PTGFR: variants seen among roughly 807,000 people sequenced by gnomAD.
PTGFR encodes the protein prostaglandin F2-alpha receptor.
PTGFR carries 15 observed loss-of-function variants against 26.2 expected under a neutral mutation model. The ratio of observed to expected loss-of-function variants is 0.57; its 90% CI spans 0.38 to 0.88. The LOEUF is 0.88. Among genes scored for constraint, PTGFR ranks in the 40% least tolerant of loss-of-function variants. The pLI is 0.00. For missense variants in PTGFR, 369 were observed against 427.2 expected, an observed-to-expected ratio of 0.86 and a Z score of 1.20; for synonymous variants, 165 against 151.1, an observed-to-expected ratio of 1.09 and a Z score of -0.68.
At chr1:78,524,074 G>A (rs1402682259) in intron 2 of PTGFR, among the ~76,000 whole-genome samples, 1 of 152,064 alleles carries the variant, frequency 6.6e-6, no homozygotes, top group Non-Finnish European at 1.5e-5. Flanking sequence ...TCTTAATGGT[G>A]CCTTTTGGGC....
In PTGFR at chr1:78,536,613, A is replaced by T. The variant is rs1002911465; in HGVS notation, c.1006A>T (p.Ser336Cys). 6.8e-6 allele frequency: 11 copies of T among 1,613,246 alleles called. No homozygotes were observed. The African/African-American group carries it at 1.3e-4, about 20-fold the overall frequency. ...HVISLHIWELSSIKNSLKVAA... is the reference protein window; with the variant it reads ...HVISLHIWELCSIKNSLKVAA... ...CATCAGCTTACATATTTGGGAGCTT[A>T]GTTCCATTAAAAATTCCTTAAAGGT... The change falls in exon 3 of 3, where the codon AGT (serine) becomes TGT (cysteine). Residue 336 changes from serine to cysteine, a missense_variant. Ser to Cys is a moderately radical substitution (Grantham distance 112). Transcript: ENST00000370757.
chr1:78,493,315 A>T lies in PTGFR; in HGVS notation c.572A>T (p.Glu191Val), dbSNP rs751711019. ...ASRTWCFYNT[E>V]DIKDWEDRFY... ...AGGACCTGGTGTTTCTACAACACAG[A>T]AGACATCAAAGACTGGGAAGATAGA... is the stretch of plus-strand genomic sequence containing the variant. The change falls in exon 2 of 3, where the codon GAA becomes GTA. Residue 191 changes from glutamate (E) to valine (V), a missense_variant. By Grantham distance (121) the Glu-to-Val change is moderately radical. Transcript: ENST00000370757. The T allele has an allele frequency of 1.9e-6, 3 of 1,614,218 alleles. No individual in the cohort carries two copies. Among genetic ancestry groups the T allele is most frequent in the Non-Finnish European group, 1.7e-6 (2 of 1,180,042 alleles).
rs2100412860 is a variant in PTGFR at position 78,540,527 on chromosome 1, A to G, written c.*3840A>G. Among the ~76,000 whole-genome samples the G allele has an allele frequency of 6.6e-6, 1 of 152,258 alleles. No individual in the cohort carries two copies. The highest frequency in any genetic ancestry group is 6.6e-5 in the Admixed American group (1 of 15,262). On this transcript the variant is annotated 3_prime_UTR_variant, in exon 3 of 3. Coordinates refer to ENST00000370757, the MANE Select transcript of PTGFR (RefSeq NM_000959.4). ...GTCTTGTAATCTGTAAAGATAAGGT[A>G]GAATAAATGAACTAAAAGAAATTTT...
At chr1:78,493,577 G>A (rs767620613) in intron 2 of PTGFR, 36 bp downstream of exon 2, 2 of 1,494,556 alleles carry the variant, frequency 1.3e-6, no homozygotes, top group African/African-American at 2.8e-5. Flanking sequence ...GCTTTCTTGG[G>A]TTAATCCATG....
intron 2 of PTGFR, among the ~76,000 whole-genome samples, chr1:78,511,503 C>T (rs537808893): frequency 6.6e-6 from 1 of 152,114 alleles, no homozygotes; most frequent in East Asian, 1.9e-4. Context: ...TGGGGAGTAG[C>T]GTTGTGAGGC....
At chr1:78,516,954 C>T (rs1258718160) in intron 2 of PTGFR, among the ~76,000 whole-genome samples, 4 of 152,104 alleles carry the variant, frequency 2.6e-5, no homozygotes, top group African/African-American at 4.8e-5. Flanking sequence ...ATGTGTTCAC[C>T]TCTCACTGAG....
chr1:78,534,830 G>A (rs1041243720), intron 2 of PTGFR, among the ~76,000 whole-genome samples: 1 of 152,066 alleles, frequency 6.6e-6, no homozygotes, highest in African/African-American at 2.4e-5. Flanking sequence ...TTTATCTTCT[G>A]TTGGATACTT....
chr1:78,520,074 T>C (rs1021023813), intron 2 of PTGFR, among the ~76,000 whole-genome samples: 1 of 152,132 alleles, frequency 6.6e-6, no homozygotes, highest in African/African-American at 2.4e-5. Flanking sequence ...TGAATGTGTT[T>C]AATAAGGTCA....
Position 78,526,624 on chromosome 1 carries a change from T to A in PTGFR, c.799-9782T>A, listed in dbSNP as rs1025352896. Among the ~76,000 whole-genome samples the A allele has an allele frequency of 2.4e-4, 36 of 152,076 alleles. 1 individual carries two copies. Among genetic ancestry groups the A allele is most frequent in the Non-Finnish European group, 7.4e-5 (5 of 67,992 alleles). On this transcript the variant is annotated intron_variant, in intron 2 of 2. Coordinates refer to ENST00000370757, the MANE Select transcript of PTGFR (RefSeq NM_000959.4). ...CTCTTTATAATATAGCTCTCAAGAATGAACAAATAAAAAGAATGGGGTCAC... is the reference window on the plus strand; with the variant it reads ...CTCTTTATAATATAGCTCTCAAGAAAGAACAAATAAAAAGAATGGGGTCAC...
rs775975756 is a variant in PTGFR at position 78,493,379 on chromosome 1, C to T, written c.636C>T (p.Ala212=). ...LLLFSFLGLL[A]LGVSLLCNAI... ...TTTTTTCTTTTCTGGGGCTCTTAGC[C>T]CTTGGTGTTTCATTGTTGTGCAATG... Residue 212 remains alanine, a synonymous_variant, in exon 2 of 3, where the codon GCC becomes GCT. Coordinates refer to ENST00000370757, the MANE Select transcript of PTGFR (RefSeq NM_000959.4). The T allele has an allele frequency of 3.4e-5, 55 of 1,613,462 alleles. No homozygotes were observed. Among genetic ancestry groups the T allele is most frequent in the Admixed American group, 6.7e-5 (4 of 59,910 alleles).
chr1:78,491,490 C>T (rs1406759515), intron 1 of PTGFR, among the ~76,000 whole-genome samples: 1 of 152,238 alleles, frequency 6.6e-6, no homozygotes, highest in Non-Finnish European at 1.5e-5. Flanking sequence ...GGCACAGATT[C>T]CGCTTCTCGC....
chr1:78,529,642 A>T (rs1650457056), intron 2 of PTGFR, among the ~76,000 whole-genome samples: 1 of 152,162 alleles, frequency 6.6e-6, no homozygotes, highest in African/African-American at 2.4e-5. Context: ...AAGGAATAGA[A>T]ATAATAAAAT....
At chr1:78,523,443 A>G (rs1035651560) in intron 2 of PTGFR, among the ~76,000 whole-genome samples, 4 of 152,184 alleles carry the variant, frequency 2.6e-5, no homozygotes, top group African/African-American at 9.6e-5. Flanking sequence ...GTGGAAGAAA[A>G]AGGAGAAATA....
intron 2 of PTGFR, among the ~76,000 whole-genome samples, chr1:78,531,288 C>G (rs1411560114): frequency 6.6e-6 from 1 of 152,126 alleles, no homozygotes; most frequent in East Asian, 1.9e-4. Flanking sequence ...AGAGCAAGTC[C>G]TCTAAGACAG....
At chr1:78,521,772 T>C (rs1437605514) in intron 2 of PTGFR, among the ~76,000 whole-genome samples, 1 of 151,854 alleles carries the variant, frequency 6.6e-6, no homozygotes, top group Non-Finnish European at 1.5e-5. Flanking sequence ...GATTTTAAAA[T>C]GCATCTACAC....
At chr1:78,493,984 G>C (rs1649481860) in intron 2 of PTGFR, among the ~76,000 whole-genome samples, 5 of 152,200 alleles carry the variant, frequency 3.3e-5, no homozygotes, top group Admixed American at 3.3e-4. Flanking sequence ...AACTGCAAAG[G>C]GTGGTGCTGA....
At chr1:78,530,220 T>G (rs1650470838) in intron 2 of PTGFR, among the ~76,000 whole-genome samples, 1 of 152,210 alleles carries the variant, frequency 6.6e-6, no homozygotes, top group African/African-American at 2.4e-5. Flanking sequence ...CTGGGACAGA[T>G]AGCTGTCCTC....
chr1:78,503,525 G>A (rs944883069), intron 2 of PTGFR, among the ~76,000 whole-genome samples: 6 of 152,128 alleles, frequency 3.9e-5, no homozygotes, highest in Non-Finnish European at 5.9e-5. Flanking sequence ...CTTTGCTGAG[G>A]AAACTGGTGG....
chr1:78,531,688 G>A (rs1650510722), intron 2 of PTGFR, among the ~76,000 whole-genome samples: 1 of 151,616 alleles, frequency 6.6e-6, no homozygotes, highest in South Asian at 2.1e-4. Context: ...TGACTCTTTG[G>A]ACCTGTGGTT....
Sources: gnomAD v4.1 joint callset for allele counts (sites outside exome capture counted in the v4.1 genomes callset) on GRCh38, gnomAD v4.1.1 for gene constraint, MANE v1.5 for transcripts, NCBI Gene and HGNC (gene_info 2026-07-23, HGNC 2026-07-21) for gene names.